Variants in RAPH1 observed in about 807,000 individuals in gnomAD.
RAPH1 encodes Ras association (RalGDS/AF-6) and pleckstrin homology domains 1, also known as ras-associated and pleckstrin homology domains-containing protein 1.
RAPH1 carries 18 observed loss-of-function variants against 88.1 expected under a neutral mutation model. The observed-to-expected ratio is 0.20, with a 90% CI of 0.14 to 0.30. The LOEUF is 0.30. Ranked by LOEUF, RAPH1 falls within the 10% of genes least tolerant of loss-of-function variation. The pLI, the probability that RAPH1 is intolerant of heterozygous loss-of-function variation, is 1.00. For missense variants in RAPH1, 1,448 were observed against 1,543.2 expected (o/e 0.94, Z 1.03); for synonymous variants, 587 against 559.0 (o/e 1.05, Z -0.71).
intron 4 of RAPH1, among the ~76,000 whole-genome samples, chr2:203,489,151 A>AG (rs1688127757): frequency 2.0e-5 from 3 of 151,386 alleles, no homozygotes; most frequent in African/African-American, 4.9e-5. Context: ...AAAAAAAAGG[A>AG]GAAAAAAAAA....
chr2:203,467,460 G>A (rs893813405), intron 4 of RAPH1, among the ~76,000 whole-genome samples: 6 of 151,756 alleles, frequency 4.0e-5, no homozygotes, highest in South Asian at 4.2e-4. Flanking sequence ...TTAGCTGGGC[G>A]TGGTGGCACA....
chr2:203,492,106 C>A (rs1268192698), intron 2 of RAPH1, among the ~76,000 whole-genome samples: 1 of 151,542 alleles, frequency 6.6e-6, no homozygotes, highest in Non-Finnish European at 1.5e-5. Context: ...CAGTGGCGGG[C>A]GCCTGTAATC....
chr2:203,463,277 T>G (rs188121278), intron 4 of RAPH1, among the ~76,000 whole-genome samples: 1 of 151,948 alleles, frequency 6.6e-6, no homozygotes, highest in South Asian at 2.1e-4. Flanking sequence ...AAAATCCTCA[T>G]CATATCAGCC....
chr2:203,434,056 C>CTATCTATCTATCTATA lies in RAPH1; in HGVS notation c.*5380_*5381insTATAGATAGATAGATA, dbSNP rs1488308709. 2.7e-5 allele frequency: 4 copies of CTATCTATCTATCTATA among 145,646 alleles called. No homozygotes were observed. Among genetic ancestry groups the CTATCTATCTATCTATA allele is most frequent in the African/African-American group, 7.6e-5 (3 of 39,222 alleles). 9.0% of individuals were successfully genotyped at this position (145,646 alleles called of 1,614,324 possible). A position where few individuals can be genotyped will look rare whatever the true frequency, so the allele number is the denominator to read the frequency against. ...CTCTCTCATATATCTATCTATCTATCTATATATATATATATATATATATAG... is the reference window on the plus strand; with the variant it reads ...CTCTCTCATATATCTATCTATCTATCTATCTATCTATCTATATATATATATATATATATATATATAG... On this transcript the variant is annotated 3_prime_UTR_variant, in exon 14 of 14. Coordinates refer to ENST00000319170, the MANE Select transcript of RAPH1 (RefSeq NM_213589.3).
intron 4 of RAPH1, among the ~76,000 whole-genome samples, chr2:203,472,399 T>G (rs942036703): frequency 1.3e-5 from 2 of 152,136 alleles, no homozygotes; most frequent in African/African-American, 4.8e-5. Flanking sequence ...CCCAAAGTGC[T>G]GAGATTATAG....
In RAPH1 at chr2:203,438,913, G is replaced by A. The variant is rs996429508; in HGVS notation, c.*524C>T. 1 of 154,420 alleles carries A rather than the reference G, an allele frequency of 6.5e-6. No homozygotes were observed. The highest frequency in any genetic ancestry group is 1.4e-5 in the Non-Finnish European group (1 of 69,332). 9.6% of individuals were successfully genotyped at this position (154,420 alleles called of 1,614,324 possible). On this transcript the variant is annotated 3_prime_UTR_variant, in exon 14 of 14. Transcript: ENST00000319170. ...GCAATTCTAACTTCAGCCAACTGGG[G>A]AAAAACAAACACAAAAGCCTTATAG...
chr2:203,514,972 A>T (rs1263795357), intron 1 of RAPH1, among the ~76,000 whole-genome samples: 3 of 152,194 alleles, frequency 2.0e-5, no homozygotes, highest in Non-Finnish European at 4.4e-5. Context: ...GCTTCAGAAT[A>T]ATGCTGCCAT....
At chr2:203,531,382 T>C (rs1690382765) in intron 1 of RAPH1, among the ~76,000 whole-genome samples, 1 of 150,886 alleles carries the variant, frequency 6.6e-6, no homozygotes, top group Admixed American at 6.6e-5. Flanking sequence ...TGTGCATATG[T>C]ACATCAGAAC....
intron 2 of RAPH1, among the ~76,000 whole-genome samples, chr2:203,492,909 T>C (rs1022529303): frequency 2.0e-5 from 3 of 152,182 alleles, no homozygotes; most frequent in African/African-American, 7.2e-5. Flanking sequence ...TAAAAAACTT[T>C]ACAAACTATT....
intron 13 of RAPH1, chr2:203,443,608 T>A (rs1186378962): frequency 6.8e-6 from 1 of 147,810 alleles, no homozygotes; most frequent in East Asian, 2.0e-4. Flanking sequence ...TTTGAAAAAA[T>A]TCATCAATGC....
chr2:203,477,345 G>A (rs1436489864), intron 4 of RAPH1, among the ~76,000 whole-genome samples: 3 of 152,204 alleles, frequency 2.0e-5, no homozygotes, highest in Non-Finnish European at 2.9e-5. Context: ...GTAAGACCCA[G>A]ATGATCCTAA....
chr2:203,444,787 G>A (rs1309772237), intron 13 of RAPH1, 81 bp downstream of exon 13: 6 of 1,308,318 alleles, frequency 4.6e-6, no homozygotes, highest in Non-Finnish European at 6.5e-6. Flanking sequence ...TAAGATCCCC[G>A]ATAAAGACAT....
At chr2:203,472,601 C>T (rs747776632) in intron 4 of RAPH1, among the ~76,000 whole-genome samples, 5 of 152,126 alleles carry the variant, frequency 3.3e-5, no homozygotes, top group Non-Finnish European at 1.5e-5. Flanking sequence ...CAAGAAATTA[C>T]TTTCTTGAAA....
chr2:203,517,359 C>CAAAAAA (rs71408943), intron 1 of RAPH1, among the ~76,000 whole-genome samples: 25 of 32,122 alleles, frequency 7.8e-4, no homozygotes, highest in East Asian at 1.1e-3. Flanking sequence ...CTATGAGAGG[C>CAAAAAA]AAAAAAAAAA....
intron 2 of RAPH1, among the ~76,000 whole-genome samples, chr2:203,494,815 AAAAAAAAAG>A (rs1688440840): frequency 1.3e-5 from 2 of 151,632 alleles, no homozygotes; most frequent in South Asian, 4.2e-4. Flanking sequence ...GTCTCAAAAA[AAAAAAAAAG>A]AAAAAAAAAA....
At chr2:203,533,623 T>C (rs1349211128) in intron 1 of RAPH1, among the ~76,000 whole-genome samples, 1 of 152,030 alleles carries the variant, frequency 6.6e-6, no homozygotes, top group African/African-American at 2.4e-5. Context: ...CTTCCATGCA[T>C]TCCTCCCTCA....
chr2:203,521,578 G>A (rs911100027), intron 1 of RAPH1, among the ~76,000 whole-genome samples: 2 of 151,882 alleles, frequency 1.3e-5, no homozygotes, highest in African/African-American at 4.8e-5. Context: ...TACTACTGGT[G>A]GTGAATATGT....
chr2:203,435,761 T>C lies in RAPH1; in HGVS notation c.*3676A>G, dbSNP rs1036227228. 1.3e-5 allele frequency: 2 copies of C among 152,186 alleles called. No homozygotes were observed. Among genetic ancestry groups the C allele is most frequent in the African/African-American group, 4.8e-5 (2 of 41,452 alleles). The allele number at this position is 152,186 out of a possible 1,614,324, so 9.4% of individuals were successfully genotyped here. A position where few individuals can be genotyped will look rare whatever the true frequency, so the allele number is the denominator to read the frequency against. On this transcript the variant is annotated 3_prime_UTR_variant, in exon 14 of 14. Coordinates refer to ENST00000319170, the MANE Select transcript of RAPH1 (RefSeq NM_213589.3). ...TTTTGGTAATGTACAAAAATAGGAATGGGTTTTTTACCTGTTTAAAGTCAC... is the reference window on the plus strand; with the variant it reads ...TTTTGGTAATGTACAAAAATAGGAACGGGTTTTTTACCTGTTTAAAGTCAC...
Position 203,441,272 on chromosome 2 carries a change from G to A in RAPH1, c.1918C>T (p.Pro640Ser). The change falls in exon 14 of 14, where the codon CCC (proline) becomes TCC (serine). Residue 640 changes from proline (P) to serine (S), a missense_variant. This residue lies in a region of RAPH1 where 935 missense variants were observed against 890.1 expected (regional missense o/e 1.05). Coordinates refer to ENST00000319170, the MANE Select transcript of RAPH1 (RefSeq NM_213589.3). Reference sequence around the variant, plus strand: ...GGGGGAGGAGGGGGTGGTGGAGGGGGTGGTGGAGGAGGAGGTGGGGGTGGC... The same window carrying A: ...GGGGGAGGAGGGGGTGGTGGAGGGGATGGTGGAGGAGGAGGTGGGGGTGGC... ...PPPPPPPPPP[P>S]PPPPPPPPLP... The A allele has an allele frequency of 7.5e-7, 1 of 1,324,884 alleles. No individual in the cohort carries two copies. 82.1% of individuals were successfully genotyped at this position (1,324,884 alleles called of 1,614,324 possible).
Sources: allele counts gnomAD v4.1 joint callset (sites outside exome capture counted in the v4.1 genomes callset), GRCh38; gene constraint gnomAD v4.1.1; regional missense constraint gnomAD v4.1.1; transcripts MANE v1.5; gene names NCBI Gene and HGNC (gene_info 2026-07-23, HGNC 2026-07-21).